Variants in FES observed in about 807,000 individuals in gnomAD.
FES encodes the protein FES proto-oncogene, tyrosine kinase, also known as tyrosine-protein kinase Fes/Fps.
FES carries 83 observed loss-of-function variants against 109.6 expected under a neutral mutation model. The observed-to-expected ratio is 0.76, with a 90% confidence interval of 0.63 to 0.91. The LOEUF (loss-of-function observed/expected upper bound fraction) is 0.91, where lower values mean the gene tolerates loss of function less well. Among genes scored for constraint, FES ranks in the 40% least tolerant of loss-of-function variants. The pLI, the probability that FES is intolerant of heterozygous loss-of-function variation, is 0.00. For missense variants in FES, 943 were observed against 1,070.9 expected (o/e 0.88, Z 1.67); for synonymous variants, 458 against 442.1 (o/e 1.04, Z -0.45).
chr15:90,891,157 G>C lies in FES; in HGVS notation c.1496G>C (p.Gly499Ala). 6.4e-7 allele frequency: 1 copy of C among 1,566,336 alleles called. No homozygotes were observed. The highest frequency in any genetic ancestry group is 1.3e-5 in the African/African-American group (1 of 74,156). ...TACGTGCTGTCGGTGCTGTGGGATG[G>C]TCTGCCCCGGCACTTCATCATCCAG... ...QEYVLSVLWD[G>A]LPRHFIIQSL... Residue 499 changes from glycine to alanine, a missense_variant, in exon 11 of 19, where the codon GGT (glycine) becomes GCT (alanine). Gly to Ala is a moderately conservative substitution (Grantham distance 60). Transcript: ENST00000328850.
rs552135142 is a variant in FES, at chr15:90,889,686, C to T, written c.926+50C>T. ...CTGCGGCGGGGCTCCCAGCAGACCA[C>T]GAGTGTTTATGTAGGCAGGGCTAGG... On this transcript the variant is annotated intron_variant, in intron 7 of 18. Transcript: ENST00000328850. This position sits in a 1 kb window ranked among gnomAD's most constrained non-coding sequence, Gnocchi z 6.1. 6.2e-6 allele frequency: 10 copies of T among 1,609,170 alleles called. No homozygotes were observed. The East Asian group carries it at 6.7e-5, about 11-fold the overall frequency.
intron 3 of FES, 65 bp from the exon 4 acceptor site, chr15:90,886,883 TCCAGGGCTTCACC>T: frequency 2.1e-6 from 3 of 1,406,444 alleles, no homozygotes; most frequent in Non-Finnish European, 3.0e-6. Flanking sequence ...ACAGGACCTT[TCCAGGGCTTCACC>T]CCAGGCAAGA....
In FES at chr15:90,889,425, G is replaced by T. The variant is rs775674213; in HGVS notation, c.788G>T (p.Gly263Val). ...ATCCAGCCTGAGGCTGAGTACCAAG[G>T]CTTCCTGCGACAGTATGGGTAAGCC... is the stretch of plus-strand genomic sequence containing the variant. ...ARIQPEAEYQGFLRQYGSAPD... is the reference protein window; with the variant it reads ...ARIQPEAEYQVFLRQYGSAPD... Residue 263 changes from glycine to valine, a missense_variant, in exon 6 of 19, where the codon GGC becomes GTC. Physicochemically the swap from Gly to Val is moderately radical, Grantham distance 109. Transcript: ENST00000328850. The surrounding 1 kb of genome is among the most constrained non-coding windows in gnomAD (Gnocchi z 6.1). 5.6e-6 allele frequency: 9 copies of T among 1,613,968 alleles called. No individual in the cohort carries two copies. The East Asian group carries it at 2.0e-4, about 36-fold the overall frequency.
intron 13 of FES, 27 bp from the exon 14 acceptor site, chr15:90,892,680 C>T (rs1193667199): frequency 2.9e-5 from 45 of 1,572,254 alleles, no homozygotes; most frequent in East Asian, 2.1e-4. Flanking sequence ...CTGGGAAGGC[C>T]GTGGTAGGAG....
Position 90,889,423 on chromosome 15 carries a change from A to G in FES, c.786A>G (p.Gln262=). 1.2e-6 allele frequency: 2 copies of G among 1,614,028 alleles called. No individual in the cohort carries two copies. The highest frequency in any genetic ancestry group is 1.1e-5 in the South Asian group (1 of 91,078). ...GCATCCAGCCTGAGGCTGAGTACCA[A>G]GGCTTCCTGCGACAGTATGGGTAAG... ...AARIQPEAEY[Q]GFLRQYGSAP... Residue 262 remains glutamine (Q), a synonymous_variant, in exon 6 of 19, where the codon CAA becomes CAG. Coordinates refer to ENST00000328850, the MANE Select transcript of FES (RefSeq NM_002005.4). The surrounding 1 kb of genome is among the most constrained non-coding windows in gnomAD (Gnocchi z 6.1).
intron 12 of FES, 43 bp from the exon 13 acceptor site, chr15:90,892,015 C>G (rs1567100653): frequency 2.0e-5 from 32 of 1,613,084 alleles, no homozygotes; most frequent in Non-Finnish European, 2.6e-5. Flanking sequence ...CCCAGCACCC[C>G]TTTTCTTCAG....
intron 5 of FES, among the ~76,000 whole-genome samples, chr15:90,888,595 G>T (rs143569804): frequency 2.1e-5 from 3 of 143,504 alleles, no homozygotes; most frequent in African/African-American, 7.7e-5. Context: ...AAGCCAGTGG[G>T]ATTTCCCTAT....
intron 5 of FES, among the ~76,000 whole-genome samples, chr15:90,888,872 G>C (rs1410313676): frequency 6.6e-6 from 1 of 151,930 alleles, no homozygotes; most frequent in East Asian, 1.9e-4. Context: ...CCACCTCCCA[G>C]GCTCAAGCGA....
At position 90,893,211 on chromosome 15, in the gene FES, G is replaced by A. The variant is rs1360801918; in HGVS notation, c.1921+17G>A. On this transcript the variant is annotated intron_variant, in intron 15 of 18. Coordinates refer to ENST00000328850, the MANE Select transcript of FES (RefSeq NM_002005.4). ...TTGTGCAGGGTGAGCGCGGGGCGCT[G>A]AGCTCCAGGTAGGGCGCGCAGCCTG... 6.2e-7 allele frequency: 1 copy of A among 1,613,584 alleles called. No homozygotes were observed. Among genetic ancestry groups the A allele is most frequent in the Non-Finnish European group, 8.5e-7 (1 of 1,179,864 alleles).
rs769445323 is a variant in FES, at chr15:90,891,021, C to T, written c.1360C>T (p.Pro454Ser). 7 of 1,596,926 alleles carry T rather than the reference C, an allele frequency of 4.4e-6. No homozygotes were observed. In the South Asian group the frequency reaches 6.8e-5, roughly 16 times the overall value. Reference sequence around the variant, plus strand: ...GCAGCTCATTCCGGAGGTGCAGAAGCCCCTGCATGAGCAGCTGTGGTACCA... The same window carrying T: ...GCAGCTCATTCCGGAGGTGCAGAAGTCCCTGCATGAGCAGCTGTGGTACCA... The part of the protein sequence containing the change: ...PLQLIPEVQK[P>S]LHEQLWYHGA... Residue 454 changes from proline (P) to serine (S), a missense_variant, in exon 11 of 19, where the codon CCC becomes TCC. Pro to Ser is a moderately conservative substitution (Grantham distance 74, BLOSUM62 -1). Transcript: ENST00000328850.
chr15:90,885,112 G>A lies in FES; in HGVS notation c.67G>A (p.Glu23Lys), dbSNP rs1567090708. 1 of 1,613,910 alleles carries A rather than the reference G, an allele frequency of 6.2e-7. No homozygotes were observed. The highest frequency in any genetic ancestry group is 8.5e-7 in the Non-Finnish European group (1 of 1,180,028). Residue 23 changes from glutamate (E) to lysine (K), a missense_variant, in exon 2 of 19, where the codon GAG becomes AAG. Transcript: ENST00000328850. ...GGTCCTGCAGCAAATGCAGGAGGCC[G>A]AGCTTCGTCTACTGGAGGGCATGAG... is the stretch of plus-strand genomic sequence containing the variant. ...HGVLQQMQEA[E>K]LRLLEGMRKW... is the part of the protein sequence containing the mutation.
chr15:90,887,017 C>T lies in FES; in HGVS notation c.444C>T (p.Asp148=). 6.2e-7 allele frequency: 1 copy of T among 1,614,178 alleles called. No individual in the cohort carries two copies. Among genetic ancestry groups the T allele is most frequent in the Non-Finnish European group, 8.5e-7 (1 of 1,180,042 alleles). Reference sequence around the variant, plus strand: ...GCCAGTACCGAGCTCTGGCACGGGACAGTGCCCAAGCCAAGCGCAAGTACC... The same window carrying T: ...GCCAGTACCGAGCTCTGGCACGGGATAGTGCCCAAGCCAAGCGCAAGTACC... ...LKSQYRALAR[D]SAQAKRKYQE... is the part of the protein sequence containing the mutation. The change falls in exon 4 of 19, where the codon GAC becomes GAT. Residue 148 remains aspartate, a synonymous_variant. Coordinates refer to ENST00000328850, the MANE Select transcript of FES (RefSeq NM_002005.4).
Position 90,890,952 on chromosome 15 carries a change from G to A in FES, c.1321-30G>A, listed in dbSNP as rs888868014. 8 of 1,550,670 alleles carry A rather than the reference G, an allele frequency of 5.2e-6. No individual in the cohort carries two copies. The African/African-American group carries it at 6.8e-5, about 13-fold the overall frequency. On this transcript the variant is annotated intron_variant, in intron 10 of 18. Transcript: ENST00000328850. ...ACGGCCTCTTCAACAAGGTGGTTAA[G>A]TGACTCCTCCTCGATCCTCCCTTGC...
Position 90,890,976 on chromosome 15 carries a change from G to T in FES, c.1321-6G>T. On this transcript the variant is annotated splice_region_variant and splice_polypyrimidine_tract_variant and intron_variant, in intron 10 of 18. Transcript: ENST00000328850. ...AGTGACTCCTCCTCGATCCTCCCTTGCCCAGCTCCCTCCACCGCTGCAGCT... is the reference window on the plus strand; with the variant it reads ...AGTGACTCCTCCTCGATCCTCCCTTTCCCAGCTCCCTCCACCGCTGCAGCT... The T allele has an allele frequency of 6.3e-7, 1 of 1,576,450 alleles. No individual in the cohort carries two copies. Among genetic ancestry groups the T allele is most frequent in the Non-Finnish European group, 8.6e-7 (1 of 1,161,690 alleles).
Position 90,893,830 on chromosome 15 carries a change from C to T in FES, c.2203+19C>T, listed in dbSNP as rs200003412. ...AACTACGGTACCTAGTCCCTGTCTACCCTGGACTCCATGGCCAGAGGCCAG... is the reference window on the plus strand; with the variant it reads ...AACTACGGTACCTAGTCCCTGTCTATCCTGGACTCCATGGCCAGAGGCCAG... On this transcript the variant is annotated intron_variant, in intron 17 of 18. Transcript: ENST00000328850. 4.4e-6 allele frequency: 7 copies of T among 1,595,844 alleles called. No individual in the cohort carries two copies. The East Asian group carries it at 1.3e-4, about 31-fold the overall frequency.
chr15:90,891,275 G>A, intron 11 of FES, 84 bp downstream of exon 11: 1 of 1,473,184 alleles, frequency 6.8e-7, no homozygotes, highest in East Asian at 2.5e-5. Context: ...TTTCAGGGTA[G>A]GGGGTAGCTG....
In FES at chr15:90,884,968, C is replaced by T. The variant is rs955235003; in HGVS notation, c.-9-69C>T. On this transcript the variant is annotated intron_variant, in intron 1 of 18. Transcript: ENST00000328850. ...CCATCCTGACCCTACAGTCCCCAGT[C>T]TCCTCGTCCCATGCCTCCGTCTCCA... 3.7e-6 allele frequency: 5 copies of T among 1,333,488 alleles called. No homozygotes were observed. In the African/African-American group the frequency reaches 5.8e-5, roughly 15 times the overall value. The allele number at this position is 1,333,488 out of a possible 1,614,324, so 82.6% of individuals were successfully genotyped here.
rs150894524 is a variant in FES, at chr15:90,892,651, G to A, written c.1708-56G>A. 7.8e-5 allele frequency: 117 copies of A among 1,509,576 alleles called. No homozygotes were observed. In the African/African-American group the frequency reaches 9.8e-4, roughly 13 times the overall value. 93.5% of individuals were successfully genotyped at this position (1,509,576 alleles called of 1,614,324 possible). A position where few individuals can be genotyped will look rare whatever the true frequency, so the allele number is the denominator to read the frequency against. On this transcript the variant is annotated intron_variant, in intron 13 of 18. Transcript: ENST00000328850. ...GTAGGAAGCAGAATGGGTAGGAAGC[G>A]GAGAAGAGAACTGCGGGACTGGGAA...
At chr15:90,888,617 G>A (rs999732541) in intron 5 of FES, among the ~76,000 whole-genome samples, 1 of 152,182 alleles carries the variant, frequency 6.6e-6, no homozygotes, top group African/African-American at 2.4e-5. Context: ...GATTGGAAGT[G>A]GGGCGTGAAA....
Sources: gnomAD v4.1 joint callset for allele counts (sites outside exome capture counted in the v4.1 genomes callset) on GRCh38, gnomAD v4.1.1 for gene constraint, Gnocchi (gnomAD v3.1) non-coding constraint, MANE v1.5 for transcripts, NCBI Gene and HGNC (gene_info 2026-07-23, HGNC 2026-07-21) for gene names.